MYO1G: variants seen among roughly 807,000 people sequenced by gnomAD.
MYO1G encodes unconventional myosin-Ig.
A neutral mutation model predicts 115.3 loss-of-function variants in MYO1G; 65 were observed. The observed-to-expected ratio is 0.56, with a 90% CI of 0.46 to 0.69. The LOEUF is 0.69. MYO1G is among the 30% of genes least tolerant of loss of function. The pLI is 0.00. For missense variants in MYO1G, 1,204 were observed against 1,393.5 expected, an observed-to-expected ratio of 0.86 and a Z score of 2.16; for synonymous variants, 510 against 552.6, an observed-to-expected ratio of 0.92 and a Z score of 1.08.
rs199620741 is a variant in MYO1G at position 44,964,155 on chromosome 7, C to T, written c.2639G>A (p.Arg880His). ...LFSSHVRKVNRFHKIRNRALL... is the reference protein window; with the variant it reads ...LFSSHVRKVNHFHKIRNRALL... ...GGCCCGGTTCCGGATCTTGTGGAAG[C>T]GGTTCACCTGTGGGAGAGGTGGCTG... Residue 880 changes from arginine (R) to histidine (H), a missense_variant, in exon 20 of 22, where the codon CGC (arginine) becomes CAC (histidine). Arg to His is a conservative substitution (Grantham distance 29). Transcript: ENST00000258787. This position sits in a 1 kb window ranked among gnomAD's most constrained non-coding sequence, Gnocchi z 5.1. 2.4e-4 allele frequency: 379 copies of T among 1,590,588 alleles called. No individual in the cohort carries two copies. In the Middle Eastern group the frequency reaches 2.8e-3, roughly 12 times the overall value.
At position 44,975,578 on chromosome 7, in the gene MYO1G, T is replaced by C. The variant is rs1443650788; in HGVS notation, c.470A>G (p.His157Arg). The change falls in exon 4 of 22, where the codon CAC (histidine) becomes CGC (arginine). Residue 157 changes from histidine (H) to arginine (R), a missense_variant. His to Arg is a conservative substitution (Grantham distance 29, BLOSUM62 0). Transcript: ENST00000258787. ...AFGNARTNRNHNSSRFGKYMD... is the reference protein window; with the variant it reads ...AFGNARTNRNRNSSRFGKYMD... ...GTACTTGCCAAAGCGGCTGGAGTTG[T>C]GATTGCGGTTGGTGCGGGCATTGCC... is the stretch of plus-strand genomic sequence containing the variant. The C allele has an allele frequency of 4.3e-6, 7 of 1,613,884 alleles. No individual in the cohort carries two copies. Among genetic ancestry groups the C allele is most frequent in the Non-Finnish European group, 5.9e-6 (7 of 1,179,942 alleles).
At chr7:44,972,659 TCA>T (rs10555925) in intron 5 of MYO1G, 54,163 of 184,632 alleles carry the variant, frequency 0.29, 8,572 homozygotes, top group African/African-American at 0.4. Flanking sequence ...CAGTGGGAGC[TCA>T]GAGTTACTGG....
intron 13 of MYO1G, 33 bp downstream of exon 13, chr7:44,967,851 C>A (rs771433069): frequency 3.1e-6 from 5 of 1,613,174 alleles, no homozygotes; most frequent in Non-Finnish European, 4.2e-6. Context: ...AGGGCCCTGG[C>A]CCTCCCTATG....
intron 1 of MYO1G, among the ~76,000 whole-genome samples, chr7:44,978,578 G>A (rs1445593584): frequency 2.6e-5 from 4 of 152,248 alleles, no homozygotes; most frequent in Admixed American, 2.6e-4. Context: ...AGGAAAGAAG[G>A]GGCAGAAGAT....
In MYO1G at chr7:44,974,893, C is replaced by T. The variant is rs138449933; in HGVS notation, c.618+281G>A. Reference sequence around the variant, plus strand: ...CCCACCTCGTGGGGAGCTTATTGTTCACAGAGACACTTATGGGTCCCAGAG... The same window carrying T: ...CCCACCTCGTGGGGAGCTTATTGTTTACAGAGACACTTATGGGTCCCAGAG... On this transcript the variant is annotated intron_variant, in intron 5 of 21. Coordinates refer to ENST00000258787, the MANE Select transcript of MYO1G (RefSeq NM_033054.3). The T allele has an allele frequency of 1.6e-3, 802 of 516,786 alleles. 11 individuals are homozygous for T. In the East Asian group the frequency reaches 0.025, roughly 16 times the overall value. 32.0% of individuals were successfully genotyped at this position (516,786 alleles called of 1,614,324 possible). A position where few individuals can be genotyped will look rare whatever the true frequency, so the allele number is the denominator to read the frequency against.
rs375690972 is a variant in MYO1G at position 44,969,997 on chromosome 7, C to T, written c.1332+43G>A. The T allele has an allele frequency of 6.2e-7, 1 of 1,604,240 alleles. No homozygotes were observed. The highest frequency in any genetic ancestry group is 1.3e-5 in the African/African-American group (1 of 74,880). On this transcript the variant is annotated intron_variant, in intron 10 of 21. Transcript: ENST00000258787. This position sits in a 1 kb window ranked among gnomAD's most constrained non-coding sequence, Gnocchi z 5.0. Reference sequence around the variant, plus strand: ...CCCCTCCCCATGGGCTGAGGCCCCTCCACACCCCACTGCCTGGCCTCCCTC... The same window carrying T: ...CCCCTCCCCATGGGCTGAGGCCCCTTCACACCCCACTGCCTGGCCTCCCTC...
In MYO1G at chr7:44,969,139, T is replaced by C; in HGVS notation, c.1574+274A>G. 7.5e-6 allele frequency: 2 copies of C among 265,558 alleles called. No individual in the cohort carries two copies. Among genetic ancestry groups the C allele is most frequent in the Admixed American group, 4.6e-5 (1 of 21,534 alleles). The allele number at this position is 265,558 out of a possible 1,614,324, so 16.5% of individuals were successfully genotyped here. A position where few individuals can be genotyped will look rare whatever the true frequency, so the allele number is the denominator to read the frequency against. ...CTGAAGCCCCCCACCCCACAGATGC[T>C]GGTATAGGGTTGGGCCCAGACATGA... On this transcript the variant is annotated intron_variant, in intron 12 of 21. Transcript: ENST00000258787. The surrounding 1 kb of genome is among the most constrained non-coding windows in gnomAD (Gnocchi z 5.0).
Position 44,966,976 on chromosome 7 carries a change from A to G in MYO1G, c.1783-138T>C. 9.9e-7 allele frequency: 1 copy of G among 1,006,232 alleles called. No homozygotes were observed. Among genetic ancestry groups the G allele is most frequent in the Non-Finnish European group, 1.4e-6 (1 of 690,222 alleles). The allele number at this position is 1,006,232 out of a possible 1,614,324, so 62.3% of individuals were successfully genotyped here. ...AACAAAGAAGGGAAATCAGCAGAAC[A>G]AGGGCCCTGGAAGCCCTAAGTGCTG... On this transcript the variant is annotated intron_variant, in intron 14 of 21. Transcript: ENST00000258787. This position sits in a 1 kb window ranked among gnomAD's most constrained non-coding sequence, Gnocchi z 5.0.
chr7:44,978,839 G>C, intron 1 of MYO1G, 28 bp downstream of exon 1: 1 of 1,598,122 alleles, frequency 6.3e-7, no homozygotes, highest in Non-Finnish European at 8.6e-7. Context: ...TGGAGGAGGG[G>C]AGCCACTGCC....
In MYO1G at chr7:44,964,451, G is replaced by A. The variant is rs750652604; in HGVS notation, c.2595C>T (p.Gly865=). 1 of 1,613,854 alleles carries A rather than the reference G, an allele frequency of 6.2e-7. No individual in the cohort carries two copies. The change falls in exon 19 of 22, where the codon GGC becomes GGT. Residue 865 remains glycine, a synonymous_variant. Coordinates refer to ENST00000258787, the MANE Select transcript of MYO1G (RefSeq NM_033054.3). The surrounding 1 kb of genome is among the most constrained non-coding windows in gnomAD (Gnocchi z 5.1). The stretch of plus-strand genomic sequence containing the variant: ...GGCTTGAAAAGAGCACAGCCCCGAA[G>A]CCATCTTTGTCCTGAAGTGTCTTTA... The part of the protein sequence containing the change: ...QRLKTLQDKD[G]FGAVLFSSHV...
At chr7:44,975,330 T>C (rs942591656) in intron 4 of MYO1G, 103 bp from the exon 5 acceptor site, 31 of 1,514,752 alleles carry the variant, frequency 2.0e-5, no homozygotes, top group Non-Finnish European at 2.8e-5. Context: ...GGTCAGAGAG[T>C]CCTGACTATG....
chr7:44,971,817 A>C, intron 6 of MYO1G, 28 bp from the exon 7 acceptor site: 2 of 1,497,960 alleles, frequency 1.3e-6, no homozygotes, highest in Non-Finnish European at 1.8e-6. Context: ...CATCACTCCA[A>C]AGCCACACTG....
intron 1 of MYO1G, 95 bp downstream of exon 1, chr7:44,978,772 A>G (rs1217141299): frequency 2.5e-6 from 3 of 1,215,690 alleles, no homozygotes; most frequent in African/African-American, 3.0e-5. Context: ...TCCCTTGGAC[A>G]GCAGCGTGCC....
In MYO1G at chr7:44,962,780, A is replaced by G; in HGVS notation, c.3016T>C (p.Cys1006Arg). 1.3e-6 allele frequency: 2 copies of G among 1,501,506 alleles called. No individual in the cohort carries two copies. The highest frequency in any genetic ancestry group is 8.8e-7 in the Non-Finnish European group (1 of 1,133,076). The allele number at this position is 1,501,506 out of a possible 1,614,324, so 93.0% of individuals were successfully genotyped here. The change falls in exon 22 of 22, where the codon TGC becomes CGC. Residue 1006 changes from cysteine (C) to arginine (R), a missense_variant. Physicochemically the swap from Cys to Arg is radical, Grantham distance 180 (BLOSUM62 -3). Transcript: ENST00000258787. This position sits in a 1 kb window ranked among gnomAD's most constrained non-coding sequence, Gnocchi z 5.3. Reference protein sequence around the residue: ...RPEQPEPDFRCARGSFTLLWP... With the variant: ...RPEQPEPDFRRARGSFTLLWP... ...AGCAGGGTGAAGGAGCCGCGAGCGC[A>G]GCGGAAATCGGGCTCTGGCTGCTCC...
In MYO1G at chr7:44,965,805, G is replaced by A; in HGVS notation, c.2213C>T (p.Thr738Ile). ...GTGTCTCCGGAACCAGCGCATGATG[G>A]TGTAGATAGCCCTCAGCCTCCGGCA... is the stretch of plus-strand genomic sequence containing the variant. ...WRCRRLRAIYTIMRWFRRHKV... is the reference protein window; with the variant it reads ...WRCRRLRAIYIIMRWFRRHKV... The change falls in exon 17 of 22, where the codon ACC (threonine) becomes ATC (isoleucine). Residue 738 changes from threonine to isoleucine, a missense_variant. Physicochemically the swap from Thr to Ile is moderately conservative, Grantham distance 89 (BLOSUM62 -1). Coordinates refer to ENST00000258787, the MANE Select transcript of MYO1G (RefSeq NM_033054.3). 6.2e-7 allele frequency: 1 copy of A among 1,603,804 alleles called. No homozygotes were observed. Among genetic ancestry groups the A allele is most frequent in the Non-Finnish European group, 8.5e-7 (1 of 1,179,958 alleles).
At chr7:44,975,825 C>T (rs186635530) in intron 3 of MYO1G, among the ~76,000 whole-genome samples, 176 bp from the exon 4 acceptor site, 69 of 152,318 alleles carry the variant, frequency 4.5e-4, no homozygotes, top group African/African-American at 1.6e-3. Flanking sequence ...GGTTGTGTGA[C>T]GGTCACTTCA....
Position 44,970,876 on chromosome 7 carries a change from T to C in MYO1G, c.1030A>G (p.Thr344Ala), listed in dbSNP as rs1352540528. ...CGGGCATAGCTGGCCTCAGCTGCAG[T>C]GTGGCCCTTCTCTATGAGTTCCCTG... ...GGRELIEKGH[T>A]AAEASYARDA... is the part of the protein sequence containing the mutation. The change falls in exon 8 of 22, where the codon ACT (threonine) becomes GCT (alanine). Residue 344 changes from threonine (T) to alanine (A), a missense_variant. Transcript: ENST00000258787. 4 of 1,613,596 alleles carry C rather than the reference T, an allele frequency of 2.5e-6. No individual in the cohort carries two copies. The highest frequency in any genetic ancestry group is 4.5e-5 in the East Asian group (2 of 44,888).
rs747660390 is a variant in MYO1G, at chr7:44,966,248, T to C, written c.1982A>G (p.Asn661Ser). ...YKMTCEYTWP[N>S]HLLGSDKAAV... The stretch of plus-strand genomic sequence containing the variant: ...TGCCTTGTCGGAGCCCAGCAGGTGG[T>C]TGGGCCATGTGTATTCACAGGTCAT... Residue 661 changes from asparagine to serine, a missense_variant, in exon 16 of 22, where the codon AAC (asparagine) becomes AGC (serine). Asn to Ser is a conservative substitution (Grantham distance 46, BLOSUM62 1). Transcript: ENST00000258787. This position sits in a 1 kb window ranked among gnomAD's most constrained non-coding sequence, Gnocchi z 5.0. The C allele has an allele frequency of 1.2e-6, 2 of 1,610,858 alleles. No homozygotes were observed. Among genetic ancestry groups the C allele is most frequent in the East Asian group, 2.2e-5 (1 of 44,812 alleles).
chr7:44,966,346 C>A lies in MYO1G; in HGVS notation c.1950-66G>T. On this transcript the variant is annotated intron_variant, in intron 15 of 21. Transcript: ENST00000258787. The surrounding 1 kb of genome is among the most constrained non-coding windows in gnomAD (Gnocchi z 5.0). ...GAGAGATGATGGAGCCCACCCTGCC[C>A]ACCCCACACCTGGGGAGATGGCAGG... The A allele has an allele frequency of 7.3e-7, 1 of 1,377,930 alleles. No individual in the cohort carries two copies. The allele number at this position is 1,377,930 out of a possible 1,614,324, so 85.4% of individuals were successfully genotyped here.
Sources: gnomAD v4.1 joint callset for allele counts (sites outside exome capture counted in the v4.1 genomes callset) on GRCh38, gnomAD v4.1.1 for gene constraint, Gnocchi (gnomAD v3.1) non-coding constraint, MANE v1.5 for transcripts, NCBI Gene and HGNC (gene_info 2026-07-23, HGNC 2026-07-21) for gene names.